The following AGMO variants were observed in gnomAD, a reference collection of about 807,000 sequenced individuals.
AGMO encodes glyceryl-ether monooxygenase.
A neutral mutation model predicts 60.2 loss-of-function variants in AGMO; 75 were observed. That is an observed-to-expected ratio of 1.25 (90% CI 1.03 to 1.51). The LOEUF (loss-of-function observed/expected upper bound fraction) is 1.51. AGMO is among the 40% of genes most tolerant of loss of function. AGMO has a pLI of 0.00. For missense variants in AGMO, 763 were observed against 525.5 expected (o/e 1.45, Z -4.42); for synonymous variants, 261 against 177.1 (o/e 1.47, Z -3.76).
At chr7:15,362,814 C>G (rs1290585590) in intron 12 of AGMO, among the ~76,000 whole-genome samples, 1 of 152,186 alleles carries the variant, frequency 6.6e-6, no homozygotes, top group Non-Finnish European at 1.5e-5. Context: ...TTTACTATAG[C>G]TCTTTACATT....
At chr7:15,448,529 T>C (rs1270933692) in intron 3 of AGMO, among the ~76,000 whole-genome samples, 3 of 152,174 alleles carry the variant, frequency 2.0e-5, no homozygotes, top group African/African-American at 7.2e-5. Flanking sequence ...ATATGAATGT[T>C]AGTTCAATTT....
chr7:15,443,368 A>T (rs1781614289), intron 3 of AGMO, among the ~76,000 whole-genome samples: 1 of 152,196 alleles, frequency 6.6e-6, no homozygotes, highest in Admixed American at 6.5e-5. Flanking sequence ...TTTGAGCAGC[A>T]GGGCACCAAA....
intron 3 of AGMO, among the ~76,000 whole-genome samples, chr7:15,523,307 T>C (rs1429729636): frequency 1.3e-5 from 2 of 152,210 alleles, no homozygotes; most frequent in African/African-American, 4.8e-5. Flanking sequence ...AGAAGTACCA[T>C]TTGACCTAGC....
chr7:15,456,596 T>C (rs1210534491), intron 3 of AGMO, among the ~76,000 whole-genome samples: 1 of 152,156 alleles, frequency 6.6e-6, no homozygotes, highest in East Asian at 1.9e-4. Flanking sequence ...TTCATTCTTC[T>C]CCTGAGTAAG....
intron 12 of AGMO, among the ~76,000 whole-genome samples, chr7:15,302,471 T>G (rs762929184): frequency 6.6e-6 from 1 of 152,206 alleles, no homozygotes; most frequent in Admixed American, 6.5e-5. Context: ...TCAAAATTTA[T>G]TATTTTGTTC....
intron 12 of AGMO, among the ~76,000 whole-genome samples, chr7:15,324,221 C>T: frequency 6.6e-6 from 1 of 152,214 alleles, no homozygotes; most frequent in East Asian, 1.9e-4. Flanking sequence ...CACAAAGAGG[C>T]AGTAATAATA....
rs1236404983 is a variant in AGMO at position 15,498,994 on chromosome 7, G to T, written c.409+45778C>A. 2.0e-5 allele frequency among the ~76,000 whole-genome samples: 3 copies of T among 152,048 alleles called. No homozygotes were observed. In the South Asian group the frequency reaches 6.2e-4, roughly 31 times the overall value. On this transcript the variant is annotated intron_variant, in intron 3 of 12. Coordinates refer to ENST00000342526, the MANE Select transcript of AGMO (RefSeq NM_001004320.2). The stretch of plus-strand genomic sequence containing the variant: ...TTTGCAGGAGATATACATGCTGAGA[G>T]TAGAAAATATTAGCATGCATAGAGT...
At chr7:15,216,317 C>A (rs1269489549) in intron 12 of AGMO, among the ~76,000 whole-genome samples, 1 of 152,114 alleles carries the variant, frequency 6.6e-6, no homozygotes, top group Non-Finnish European at 1.5e-5. Context: ...GGGTTGCCTG[C>A]TTTCCTGGGG....
At chr7:15,279,496 T>A (rs1468633605) in intron 12 of AGMO, among the ~76,000 whole-genome samples, 2 of 152,174 alleles carry the variant, frequency 1.3e-5, no homozygotes, top group African/African-American at 4.8e-5. Context: ...TTAATAAGCT[T>A]TTTCAAAACA....
chr7:15,551,213 A>T (rs1048554685), intron 2 of AGMO, among the ~76,000 whole-genome samples: 1 of 152,132 alleles, frequency 6.6e-6, no homozygotes, highest in African/African-American at 2.4e-5. Flanking sequence ...CCAATATCAT[A>T]CTGAATGGGC....
the AGMO span, among the ~76,000 whole-genome samples, chr7:15,127,443 T>G: frequency 2.0e-5 from 3 of 152,122 alleles, no homozygotes; most frequent in East Asian, 5.8e-4. Flanking sequence ...CAGAAAAAAA[T>G]TATCTAGTAT....
intron 3 of AGMO, among the ~76,000 whole-genome samples, chr7:15,528,284 A>T (rs1290789302): frequency 6.6e-6 from 1 of 152,140 alleles, no homozygotes; most frequent in African/African-American, 2.4e-5. Flanking sequence ...ACGACAGTGT[A>T]GTATTAGTAT....
chr7:15,423,016 A>T (rs1780966427), intron 4 of AGMO, among the ~76,000 whole-genome samples: 1 of 152,218 alleles, frequency 6.6e-6, no homozygotes, highest in Admixed American at 6.5e-5. Flanking sequence ...TAAGCTGCTA[A>T]GCAAATGGCT....
intron 3 of AGMO, among the ~76,000 whole-genome samples, chr7:15,542,632 C>T (rs763660933): frequency 6.6e-6 from 1 of 152,106 alleles, no homozygotes. Context: ...TTCTGCAACA[C>T]CCCTTTGTTG....
intron 12 of AGMO, among the ~76,000 whole-genome samples, chr7:15,240,232 G>C (rs1466374604): frequency 1.5e-4 from 23 of 152,096 alleles, no homozygotes; most frequent in Admixed American, 1.5e-3. Context: ...AGGACGACAA[G>C]TTAAGTTTGA....
intron 5 of AGMO, among the ~76,000 whole-genome samples, chr7:15,410,397 A>T (rs1283465185): frequency 1.3e-5 from 2 of 151,958 alleles, no homozygotes; most frequent in Admixed American, 1.3e-4. Context: ...TAAATAACAA[A>T]AAAACCCTAA....
chr7:15,493,903 A>G (rs1168091902), intron 3 of AGMO, among the ~76,000 whole-genome samples: 1 of 152,140 alleles, frequency 6.6e-6, no homozygotes, highest in East Asian at 1.9e-4. Flanking sequence ...TATGGGTTGT[A>G]TGAGATATTT....
At chr7:15,363,067 GAAT>G (rs2128560114) in intron 12 of AGMO, among the ~76,000 whole-genome samples, 1 of 152,252 alleles carries the variant, frequency 6.6e-6, no homozygotes, top group South Asian at 2.1e-4. Context: ...ATACTGAATG[GAAT>G]AATACTAGTA....
chr7:15,386,173 GAAAAA>G (rs200171986), intron 9 of AGMO, among the ~76,000 whole-genome samples: 11 of 118,212 alleles, frequency 9.3e-5, no homozygotes, highest in African/African-American at 3.4e-4. Context: ...AGTCCCAAAA[GAAAAA>G]AAAAGAAAAG....
Sources: allele counts gnomAD v4.1 joint callset (sites outside exome capture counted in the v4.1 genomes callset), GRCh38; gene constraint gnomAD v4.1.1; transcripts MANE v1.5; gene names NCBI Gene and HGNC (gene_info 2026-07-23, HGNC 2026-07-21).